ALKBH3: variants seen among roughly 807,000 people sequenced by gnomAD.
ALKBH3 encodes the protein alpha-ketoglutarate-dependent dioxygenase alkB homolog 3.
ALKBH3 carries 51 observed loss-of-function variants against 43.9 expected under a neutral mutation model. The observed-to-expected ratio is 1.16, with a 90% confidence interval of 0.93 to 1.47. The LOEUF is 1.47. Ranked by LOEUF, ALKBH3 falls within the 40% of genes most tolerant of loss-of-function variation. The pLI is 0.00. For synonymous variants in ALKBH3, 102 were observed against 115.2 expected, an observed-to-expected ratio of 0.89 and a Z score of 0.73; for missense variants, 361 against 351.9, an observed-to-expected ratio of 1.03 and a Z score of -0.21.
At chr11:43,906,759 GC>G (rs1951898995) in intron 8 of ALKBH3, among the ~76,000 whole-genome samples, 1 of 152,162 alleles carries the variant, frequency 6.6e-6, no homozygotes, top group Non-Finnish European at 1.5e-5. Context: ...ATTGTTGATA[GC>G]CATGATCATT....
At chr11:43,889,512 C>T (rs931307935) in intron 5 of ALKBH3, among the ~76,000 whole-genome samples, 2 of 152,160 alleles carry the variant, frequency 1.3e-5, no homozygotes, top group Non-Finnish European at 2.9e-5. Context: ...CCTTCATTGC[C>T]TCTTTTATTT....
At position 43,881,957 on chromosome 11, in the gene ALKBH3, G is replaced by A. The variant is rs187522581; in HGVS notation, c.-70-626G>A. On this transcript the variant is annotated intron_variant, in intron 1 of 9. Transcript: ENST00000302708. ...TAGCCATTATGAGGTGGATTTATCC[G>A]TTAGCTGGAGACAGGAGTTTAATAT... Among the ~76,000 whole-genome samples the A allele has an allele frequency of 9.2e-5, 14 of 152,312 alleles. No homozygotes were observed. The South Asian group carries it at 2.3e-3, about 25-fold the overall frequency.
At chr11:43,907,629 C>G (rs766270326) in intron 8 of ALKBH3, among the ~76,000 whole-genome samples, 6 of 152,012 alleles carry the variant, frequency 3.9e-5, no homozygotes, top group Non-Finnish European at 7.4e-5. Context: ...TCATCTTTCA[C>G]AAGTCACATT....
At chr11:43,901,413 T>TTTTCTG in intron 7 of ALKBH3, 103 bp from the exon 8 acceptor site, 1 of 1,338,692 alleles carries the variant, frequency 7.5e-7, no homozygotes, top group South Asian at 1.3e-5. Flanking sequence ...ATGCCCTGGT[T>TTTTCTG]ATAACTTGGC....
At chr11:43,897,497 C>A in intron 7 of ALKBH3, 1 of 754,318 alleles carries the variant, frequency 1.3e-6, no homozygotes, top group Admixed American at 1.7e-5. Context: ...TATACAAATA[C>A]CCCTTCAAAT....
At chr11:43,898,512 A>G in intron 7 of ALKBH3, 3 of 925,150 alleles carry the variant, frequency 3.2e-6, no homozygotes, top group South Asian at 1.3e-5. Flanking sequence ...TCGGGGAGGA[A>G]GCCCTGCTGA....
At chr11:43,886,727 G>A (rs1590366274) in intron 5 of ALKBH3, 74 bp downstream of exon 5, 1 of 1,455,052 alleles carries the variant, frequency 6.9e-7, no homozygotes, top group East Asian at 2.3e-5. Context: ...TACTCCCCTA[G>A]AGAAAGAAAA....
Position 43,883,148 on chromosome 11 carries a change from ATC to A in ALKBH3, c.149_150del (p.Ser50Ter), listed in dbSNP as rs772498929. The A allele has an allele frequency of 1.9e-5, 30 of 1,614,096 alleles. No individual in the cohort carries two copies. Among genetic ancestry groups the A allele is most frequent in the Non-Finnish European group, 2.5e-5 (30 of 1,180,000 alleles). ...CAGACCTGGAAGAACAAAGAGCATCATCTCTCTGACAGAGAGTTTGTGTTCAA... is the reference window on the plus strand; with the variant it reads ...CAGACCTGGAAGAACAAAGAGCATCATCTCTGACAGAGAGTTTGTGTTCAA... On this transcript the variant is annotated frameshift_variant, in exon 3 of 10. Transcript: ENST00000302708. LOFTEE classifies it high-confidence loss of function.
In ALKBH3 at chr11:43,899,132, G is replaced by C. The variant is rs1020092242; in HGVS notation, c.460-2384G>C. The C allele has an allele frequency of 2.5e-5, 19 of 771,124 alleles. No individual in the cohort carries two copies. In the African/African-American group the frequency reaches 3.2e-4, roughly 13 times the overall value. 47.8% of individuals were successfully genotyped at this position (771,124 alleles called of 1,614,324 possible). A position where few individuals can be genotyped will look rare whatever the true frequency, so the allele number is the denominator to read the frequency against. On this transcript the variant is annotated intron_variant, in intron 7 of 9. Coordinates refer to ENST00000302708, the MANE Select transcript of ALKBH3 (RefSeq NM_139178.4). ...TCTTTAACATCTATCACTCCAAGAG[G>C]TCGCCACAGCCACCCAAAAAGGACT...
intron 8 of ALKBH3, among the ~76,000 whole-genome samples, chr11:43,912,028 C>T (rs777603247): frequency 3.9e-5 from 6 of 152,092 alleles, no homozygotes; most frequent in Non-Finnish European, 5.9e-5. Flanking sequence ...GAGGCTGAGG[C>T]AGAAGAATCG....
At chr11:43,913,348 C>G (rs1490946948) in intron 8 of ALKBH3, among the ~76,000 whole-genome samples, 1 of 152,124 alleles carries the variant, frequency 6.6e-6, no homozygotes, top group Non-Finnish European at 1.5e-5. Flanking sequence ...TCACCCCCGT[C>G]CCGTCCTCCA....
chr11:43,882,814 G>T (rs941974427), intron 2 of ALKBH3, 83 bp downstream of exon 2: 2 of 1,374,620 alleles, frequency 1.5e-6, no homozygotes, highest in Admixed American at 5.4e-5. Flanking sequence ...GGTTTATAAT[G>T]GACTTCCATT....
At chr11:43,919,284 G>GCTA (rs1469183970) in intron 9 of ALKBH3, 148 bp downstream of exon 9, 1 of 696,748 alleles carries the variant, frequency 1.4e-6, no homozygotes, top group African/African-American at 1.8e-5. Flanking sequence ...AAGGAGTTTT[G>GCTA]CTACTACTGA....
chr11:43,909,322 A>G (rs1476948589), intron 8 of ALKBH3: 2 of 152,118 alleles, frequency 1.3e-5, no homozygotes, highest in Non-Finnish European at 2.9e-5. Flanking sequence ...TCTCTCCATC[A>G]TTTCTGTAAT....
chr11:43,896,157 A>AT (rs1590371029), intron 7 of ALKBH3, among the ~76,000 whole-genome samples: 1 of 151,988 alleles, frequency 6.6e-6, no homozygotes, highest in Admixed American at 6.6e-5. Flanking sequence ...AATGGACAAG[A>AT]TTTTTTTTAC....
chr11:43,909,934 ACT>A (rs1951924874), intron 8 of ALKBH3: 1 of 151,776 alleles, frequency 6.6e-6, no homozygotes, highest in African/African-American at 2.4e-5. Context: ...CCATCCCACC[ACT>A]CTGCTGAAAT....
At chr11:43,894,293 A>G (rs190218151) in intron 7 of ALKBH3, among the ~76,000 whole-genome samples, 1 of 152,158 alleles carries the variant, frequency 6.6e-6, no homozygotes, top group African/African-American at 2.4e-5. Context: ...CTAGAACTCT[A>G]TACAACACTG....
rs552509219 is a variant in ALKBH3, at chr11:43,898,881, T to C, written c.460-2635T>C. On this transcript the variant is annotated intron_variant, in intron 7 of 9. Transcript: ENST00000302708. ...ATTACATTGATAGATTATTTCAGAT[T>C]TCCTGAGTGGAGAGTGCATGTGCAA... 6 of 757,708 alleles carry C rather than the reference T, an allele frequency of 7.9e-6. No homozygotes were observed. The South Asian group carries it at 8.3e-5, about 10-fold the overall frequency. The allele number at this position is 757,708 out of a possible 1,614,324, so 46.9% of individuals were successfully genotyped here.
chr11:43,890,945 C>G (rs1379310679), intron 6 of ALKBH3, among the ~76,000 whole-genome samples: 1 of 152,200 alleles, frequency 6.6e-6, no homozygotes, highest in Non-Finnish European at 1.5e-5. Flanking sequence ...CTCTAGATCA[C>G]TTATAATACC....
Sources: allele counts gnomAD v4.1 joint callset (sites outside exome capture counted in the v4.1 genomes callset), GRCh38; gene constraint gnomAD v4.1.1; transcripts MANE v1.5; gene names NCBI Gene and HGNC (gene_info 2026-07-23, HGNC 2026-07-21).